PRKD1: variants seen among roughly 807,000 people sequenced by gnomAD.
PRKD1 encodes serine/threonine-protein kinase D1.
A neutral mutation model predicts 95.9 loss-of-function variants in PRKD1; 63 were observed. The observed-to-expected ratio is 0.66, with a 90% CI of 0.54 to 0.81. The LOEUF (loss-of-function observed/expected upper bound fraction) is 0.81, where lower values mean the gene tolerates loss of function less well. PRKD1 is among the 30% of genes least tolerant of loss of function. The pLI is 0.00. For missense variants in PRKD1, 1,048 were observed against 1,165.3 expected (o/e 0.90, Z 1.47); for synonymous variants, 425 against 423.1 (o/e 1.00, Z -0.05).
intron 1 of PRKD1, among the ~76,000 whole-genome samples, chr14:29,893,620 T>C (rs1894016144): frequency 6.6e-6 from 1 of 152,218 alleles, no homozygotes; most frequent in East Asian, 1.9e-4. Flanking sequence ...TCAACTTTAA[T>C]ATTAAAAGAT....
intron 13 of PRKD1, among the ~76,000 whole-genome samples, chr14:29,618,637 T>C (rs555895607): frequency 6.6e-6 from 1 of 152,204 alleles, no homozygotes. Context: ...CTATTCCAAA[T>C]GGCATGAGAT....
chr14:29,728,954 T>G (rs898430158), intron 1 of PRKD1, among the ~76,000 whole-genome samples: 1 of 152,150 alleles, frequency 6.6e-6, no homozygotes, highest in Admixed American at 6.5e-5. Flanking sequence ...CAAGATTGTT[T>G]TGGATATAGG....
At chr14:29,787,111 T>G (rs907888980) in intron 1 of PRKD1, among the ~76,000 whole-genome samples, 1 of 152,050 alleles carries the variant, frequency 6.6e-6, no homozygotes, top group Non-Finnish European at 1.5e-5. Flanking sequence ...GAGAGTGCTA[T>G]TTAATTCCCA....
At chr14:29,689,356 A>G (rs151232513) in intron 2 of PRKD1, among the ~76,000 whole-genome samples, 16 of 152,332 alleles carry the variant, frequency 1.1e-4, no homozygotes, top group African/African-American at 3.6e-4. Flanking sequence ...CATTTTTTAA[A>G]AAGCCTAACA....
At chr14:29,674,328 C>A (rs1883033331) in intron 2 of PRKD1, among the ~76,000 whole-genome samples, 1 of 152,216 alleles carries the variant, frequency 6.6e-6, no homozygotes, top group African/African-American at 2.4e-5. Flanking sequence ...ATCTACTGTT[C>A]TGGTTAACAC....
intron 2 of PRKD1, among the ~76,000 whole-genome samples, chr14:29,706,996 C>G (rs1885122865): frequency 6.6e-6 from 1 of 151,994 alleles, no homozygotes. Flanking sequence ...TAAAAGGGAA[C>G]TGGAAGCAAG....
rs529413272 is a variant in PRKD1 at position 29,673,612 on chromosome 14, C to T, written c.404-7404G>A. Among the ~76,000 whole-genome samples the T allele has an allele frequency of 9.2e-5, 14 of 152,366 alleles. No homozygotes were observed. The South Asian group carries it at 2.9e-3, about 32-fold the overall frequency. On this transcript the variant is annotated intron_variant, in intron 2 of 17. Transcript: ENST00000331968. ...CATAACATTACACACTGCAAGACCA[C>T]AACTTCTCTAACTGTGCAGGCACAT...
intron 1 of PRKD1, among the ~76,000 whole-genome samples, chr14:29,880,418 G>A (rs1024698998): frequency 6.6e-6 from 1 of 152,140 alleles, no homozygotes; most frequent in Non-Finnish European, 1.5e-5. Context: ...GGGAACCTCC[G>A]CCTAGATTTC....
Position 29,795,208 on chromosome 14 carries a change from T to G in PRKD1, c.265-69534A>C, listed in dbSNP as rs925604320. On this transcript the variant is annotated intron_variant, in intron 1 of 17. Coordinates refer to ENST00000331968, the MANE Select transcript of PRKD1 (RefSeq NM_002742.3). The stretch of plus-strand genomic sequence containing the variant: ...CATCAAACTATTATATTTATTGAGA[T>G]GCTAAATACAGAGAAATCAAGAAAA... Among the ~76,000 whole-genome samples, 3 of 152,190 alleles carry G rather than the reference T, an allele frequency of 2.0e-5. No homozygotes were observed. The East Asian group carries it at 5.8e-4, about 29-fold the overall frequency.
At chr14:29,696,235 T>G (rs543289171) in intron 2 of PRKD1, among the ~76,000 whole-genome samples, 134 of 107,322 alleles carry the variant, frequency 1.2e-3, no homozygotes, top group African/African-American at 7.7e-3. Flanking sequence ...TGAAATTATC[T>G]AGTAATAGAG....
At position 29,648,981 on chromosome 14, in the gene PRKD1, A is replaced by G. The variant is rs1881320540; in HGVS notation, c.697-10077T>C. On this transcript the variant is annotated intron_variant, in intron 4 of 17. Transcript: ENST00000331968. ...GCTGGGGCTTTTATCTGCACCCTGA[A>G]GCACCTTTGAGATTTTTTTTATATT... Among the ~76,000 whole-genome samples the G allele has an allele frequency of 2.0e-5, 3 of 152,308 alleles. No homozygotes were observed. In the South Asian group the frequency reaches 6.2e-4, roughly 32 times the overall value.
chr14:29,593,161 A>T (rs1056890848), intron 16 of PRKD1, among the ~76,000 whole-genome samples: 3 of 152,170 alleles, frequency 2.0e-5, no homozygotes, highest in Admixed American at 6.5e-5. Context: ...TGTTTAGAAT[A>T]GTGCCTGGCT....
chr14:29,812,537 G>A (rs1042270991), intron 1 of PRKD1, among the ~76,000 whole-genome samples: 2 of 152,190 alleles, frequency 1.3e-5, no homozygotes, highest in Non-Finnish European at 2.9e-5. Flanking sequence ...GCATGTCTAG[G>A]GAGGCCTCAG....
chr14:29,653,864 A>G (rs1223584415), intron 4 of PRKD1, among the ~76,000 whole-genome samples: 1 of 152,174 alleles, frequency 6.6e-6, no homozygotes, highest in Non-Finnish European at 1.5e-5. Flanking sequence ...CTGAAATACA[A>G]ATGGCCAATT....
At chr14:29,754,649 T>A (rs1313205809) in intron 1 of PRKD1, among the ~76,000 whole-genome samples, 2 of 152,108 alleles carry the variant, frequency 1.3e-5, no homozygotes, top group Non-Finnish European at 2.9e-5. Context: ...CATCAGTTTA[T>A]TTCTAAGTCC....
chr14:29,646,876 G>A (rs1322938463), intron 4 of PRKD1, among the ~76,000 whole-genome samples: 1 of 152,070 alleles, frequency 6.6e-6, no homozygotes, highest in Non-Finnish European at 1.5e-5. Flanking sequence ...AAACCCTTGA[G>A]AAATGGAGTT....
intron 4 of PRKD1, among the ~76,000 whole-genome samples, chr14:29,653,795 A>C (rs1881663162): frequency 6.6e-6 from 1 of 152,222 alleles, no homozygotes; most frequent in Non-Finnish European, 1.5e-5. Flanking sequence ...ATAATACATA[A>C]AGACTATAAG....
chr14:29,858,520 G>A (rs755149343), intron 1 of PRKD1, among the ~76,000 whole-genome samples: 4 of 152,114 alleles, frequency 2.6e-5, no homozygotes, highest in South Asian at 2.1e-4. Context: ...ACATGACTAC[G>A]TTCTGAGCTT....
intron 13 of PRKD1, among the ~76,000 whole-genome samples, chr14:29,613,042 G>A (rs1878586568): frequency 6.6e-6 from 1 of 151,914 alleles, no homozygotes; most frequent in South Asian, 2.1e-4. Flanking sequence ...AGCTTGCAGT[G>A]AGCCAAGATC....
Sources: allele counts gnomAD v4.1 joint callset (sites outside exome capture counted in the v4.1 genomes callset), GRCh38; gene constraint gnomAD v4.1.1; transcripts MANE v1.5; gene names NCBI Gene and HGNC (gene_info 2026-07-23, HGNC 2026-07-21).